PCDH15: variants seen among roughly 807,000 people sequenced by gnomAD.
The protein encoded by PCDH15 is protocadherin-15.
In PCDH15, 129 loss-of-function variants were observed where a neutral mutation model predicts 178.5. That is an observed-to-expected ratio of 0.72 (90% CI 0.63 to 0.84). The LOEUF is 0.84. Among genes scored for constraint, PCDH15 ranks in the 40% least tolerant of loss-of-function variants. The pLI, the probability that PCDH15 is intolerant of heterozygous loss-of-function variation, is 0.00. For synonymous variants in PCDH15, 800 were observed against 732.0 expected, an observed-to-expected ratio of 1.09 and a Z score of -1.50; for missense variants, 2,230 against 2,099.9, an observed-to-expected ratio of 1.06 and a Z score of -1.21.
intron 25 of PCDH15, among the ~76,000 whole-genome samples, chr10:53,927,149 A>AGTGTGTGTGTGT (rs59045951): frequency 6.7e-5 from 10 of 149,690 alleles, no homozygotes; most frequent in African/African-American, 2.5e-4. Context: ...TGTAAATGCA[A>AGTGTGTGTGTGT]GTGTGTGTGT....
chr10:54,365,479 A>G (rs1946655073), intron 5 of PCDH15, among the ~76,000 whole-genome samples: 1 of 152,096 alleles, frequency 6.6e-6, no homozygotes, highest in South Asian at 2.1e-4. Context: ...TTTTCTCTCA[A>G]TGAAAAGATC....
intron 25 of PCDH15, among the ~76,000 whole-genome samples, chr10:53,920,456 TA>T (rs560459452): frequency 8.5e-5 from 13 of 152,104 alleles, no homozygotes; most frequent in South Asian, 2.1e-4. Flanking sequence ...ATATATAATT[TA>T]AAAAAATCAA....
intron 2 of PCDH15, among the ~76,000 whole-genome samples, chr10:54,980,559 T>C (rs1839206234): frequency 6.6e-6 from 1 of 152,104 alleles, no homozygotes; most frequent in Non-Finnish European, 1.5e-5. Flanking sequence ...GATAATTAAC[T>C]ATACACCCTA....
At chr10:54,563,321 C>T (rs994252973) in intron 2 of PCDH15, among the ~76,000 whole-genome samples, 3 of 152,076 alleles carry the variant, frequency 2.0e-5, no homozygotes, top group Non-Finnish European at 2.9e-5. Context: ...GGGGAACTTC[C>T]GCTTTTTTAG....
At position 55,413,491 on chromosome 10, in the gene PCDH15, A is replaced by G. The variant is rs146419870; in HGVS notation, c.-156+214134T>C. ...TAGACAACTTTTACATTTAAAGGGA[A>G]TAGACGAAGTCTGCTCTAAAATAGA... On this transcript the variant is annotated intron_variant, in intron 2 of 5. Coordinates refer to the PCDH15 transcript ENST00000613346. Among the ~76,000 whole-genome samples the G allele has an allele frequency of 7.2e-3, 1,095 of 151,872 alleles. 4 individuals carry two copies. Among genetic ancestry groups the G allele is most frequent in the Non-Finnish European group, 0.011 (734 of 67,766 alleles).
chr10:54,511,813 T>C (rs1444882554), intron 3 of PCDH15, among the ~76,000 whole-genome samples: 2 of 152,214 alleles, frequency 1.3e-5, no homozygotes, highest in Non-Finnish European at 2.9e-5. Flanking sequence ...TCCCTGGATA[T>C]GTTTTCTATG....
At chr10:53,834,158 G>C (rs1194153180) in intron 29 of PCDH15, among the ~76,000 whole-genome samples, 2 of 152,222 alleles carry the variant, frequency 1.3e-5, no homozygotes, top group East Asian at 3.9e-4. Flanking sequence ...TTGGACTGAG[G>C]GGAAGGCACT....
intron 1 of PCDH15, among the ~76,000 whole-genome samples, chr10:55,274,041 T>C (rs1842521369): frequency 6.6e-6 from 1 of 152,158 alleles, no homozygotes. Context: ...CTTTCTGAGT[T>C]ATGTAGTCCT....
At chr10:54,723,577 A>G (rs191161857) in intron 1 of PCDH15, among the ~76,000 whole-genome samples, 51 of 152,006 alleles carry the variant, frequency 3.4e-4, no homozygotes, top group African/African-American at 1.2e-3. Context: ...GCTTTTGCAC[A>G]ACAAAATAAA....
At chr10:54,387,396 GA>G (rs1589156544) in intron 3 of PCDH15, among the ~76,000 whole-genome samples, 1 of 152,076 alleles carries the variant, frequency 6.6e-6, no homozygotes, top group Non-Finnish European at 1.5e-5. Context: ...ATTCAGCCTT[GA>G]AAAAGAAGGA....
chr10:55,426,835 T>A (rs1838769534), intron 2 of PCDH15, among the ~76,000 whole-genome samples: 1 of 152,164 alleles, frequency 6.6e-6, no homozygotes, highest in African/African-American at 2.4e-5. Flanking sequence ...CTCTGGCCAA[T>A]TTCTTCTCCG....
chr10:55,398,987 T>C (rs992959435), intron 2 of PCDH15, among the ~76,000 whole-genome samples: 1 of 152,172 alleles, frequency 6.6e-6, no homozygotes, highest in African/African-American at 2.4e-5. Context: ...ATAACTATTA[T>C]ATTCAAGCAT....
intron 26 of PCDH15, among the ~76,000 whole-genome samples, chr10:53,894,640 T>A (rs977078576): frequency 6.6e-6 from 1 of 152,216 alleles, no homozygotes; most frequent in Non-Finnish European, 1.5e-5. Context: ...AAATGGTGAT[T>A]TTGATTTCAG....
chr10:53,806,893 T>A lies in PCDH15; in HGVS notation c.4909A>T (p.Lys1637Ter). The change falls in exon 38 of 38, where the codon AAA becomes TAA. Residue 1637 changes from lysine (K) to a stop codon, truncating the protein, a stop_gained. Coordinates refer to ENST00000644397, the MANE Select transcript of PCDH15 (RefSeq NM_001384140.1). LOFTEE classifies it high-confidence loss of function. Reference sequence around the variant, plus strand: ...TGTGTCACTGCCAACTTGTCTAGTTTCTTAAAGGGCCCTCCCAGTCGAACA... The same window carrying A: ...TGTGTCACTGCCAACTTGTCTAGTTACTTAAAGGGCCCTCCCAGTCGAACA... ...SPVRLGGPFKKLDKLAVTHEE... is the reference protein window; with the variant it reads ...SPVRLGGPFK 1.2e-6 allele frequency: 2 copies of A among 1,613,942 alleles called. No individual in the cohort carries two copies. Among genetic ancestry groups the A allele is most frequent in the Non-Finnish European group, 1.7e-6 (2 of 1,179,848 alleles).
chr10:54,682,109 ATGTT>A (rs1256061175), intron 1 of PCDH15, among the ~76,000 whole-genome samples: 16 of 152,176 alleles, frequency 1.1e-4, no homozygotes, highest in Non-Finnish European at 1.9e-4. Context: ...GGACCACTTG[ATGTT>A]TGTTTTTTCT....
chr10:54,948,830 C>T (rs764307898), intron 2 of PCDH15, among the ~76,000 whole-genome samples: 2 of 151,816 alleles, frequency 1.3e-5, no homozygotes, highest in Non-Finnish European at 2.9e-5. Context: ...TCAATATCAT[C>T]CAGAAACACC....
chr10:53,871,468 G>A (rs1202252586), intron 26 of PCDH15, among the ~76,000 whole-genome samples: 1 of 151,198 alleles, frequency 6.6e-6, no homozygotes, highest in Non-Finnish European at 1.5e-5. Context: ...GTGTGTGTGT[G>A]TGTGTGTGTG....
chr10:55,322,590 A>C (rs769721396), upstream of PCDH15, among the ~76,000 whole-genome samples: 44 of 152,126 alleles, frequency 2.9e-4, no homozygotes, highest in Non-Finnish European at 5.4e-4. Flanking sequence ...AGGTGGCCTT[A>C]GATGGAGATG....
intron 3 of PCDH15, among the ~76,000 whole-genome samples, chr10:54,845,304 C>T (rs1383840121): frequency 6.6e-6 from 1 of 151,906 alleles, no homozygotes; most frequent in Non-Finnish European, 1.5e-5. Flanking sequence ...GGTTTTCTGG[C>T]TTGAGGAAGA....
Sources: gnomAD v4.1 joint callset for allele counts (sites outside exome capture counted in the v4.1 genomes callset) on GRCh38, gnomAD v4.1.1 for gene constraint, MANE v1.5 for transcripts, NCBI Gene and HGNC (gene_info 2026-07-23, HGNC 2026-07-21) for gene names.